The following AGRN variants were observed in gnomAD, a reference collection of about 807,000 sequenced individuals.
AGRN encodes the protein agrin proteoglycan.
In AGRN, 106 loss-of-function variants were observed where a neutral mutation model predicts 211.0. The ratio of observed to expected loss-of-function variants is 0.50; its 90% CI spans 0.43 to 0.59. The LOEUF (loss-of-function observed/expected upper bound fraction) is 0.59, where lower values mean the gene tolerates loss of function less well. Among genes scored for constraint, AGRN ranks in the 20% least tolerant of loss-of-function variants. The pLI is 0.00. For missense variants in AGRN, 3,040 were observed against 2,982.6 expected, an observed-to-expected ratio of 1.02 and a Z score of -0.45; for synonymous variants, 1,525 against 1,332.5, an observed-to-expected ratio of 1.14 and a Z score of -3.15.
In AGRN at chr1:1,046,003, A is replaced by C; in HGVS notation, c.2720A>C (p.Glu907Ala). 1 of 1,613,870 alleles carries C rather than the reference A, an allele frequency of 6.2e-7. No individual in the cohort carries two copies. ...GCGACCTGTGCGGAGATGCGCTGTG[A>C]GTTCGGTGCGCGGTGCGTGGAGGAG... ...APATCAEMRC[E>A]FGARCVEESG... Residue 907 changes from glutamate (E) to alanine (A), a missense_variant, in exon 16 of 36, where the codon GAG becomes GCG. By Grantham distance (107) the Glu-to-Ala change is moderately radical. Around this residue, in one of 3 missense-constraint regions of AGRN, gnomAD observed 1,498 missense variants for 1,457.8 expected, o/e 1.03. Coordinates refer to ENST00000379370, the MANE Select transcript of AGRN (RefSeq NM_198576.4).
chr1:1,046,869 C>G lies in AGRN; in HGVS notation c.3300C>G (p.Val1100=). ...GSSVATPGPP[V]ERASCYNSAL... The stretch of plus-strand genomic sequence containing the variant: ...GCGTGGCCACCCCTGGGCCACCTGT[C>G]GAGAGGGCTTCCTGCTACAACTCCG... The change falls in exon 19 of 36, where the codon GTC becomes GTG. Residue 1100 remains valine, a synonymous_variant. Transcript: ENST00000379370. The G allele has an allele frequency of 6.3e-7, 1 of 1,586,984 alleles. No homozygotes were observed. Among genetic ancestry groups the G allele is most frequent in the East Asian group, 2.3e-5 (1 of 43,956 alleles).
In AGRN at chr1:1,042,130, G is replaced by T; in HGVS notation, c.1352G>T (p.Arg451Leu). 6.3e-7 allele frequency: 1 copy of T among 1,599,978 alleles called. No individual in the cohort carries two copies. Among genetic ancestry groups the T allele is most frequent in the Non-Finnish European group, 8.5e-7 (1 of 1,177,920 alleles). Reference protein sequence around the residue: ...WRQQAECRQQRAIPSKHQGPC... With the variant: ...WRQQAECRQQLAIPSKHQGPC... ...CAGCAGGCTGAGTGCCGGCAGCAGC[G>T]TGCCATCCCCAGCAAGCACCAGGGC... The change falls in exon 7 of 36, where the codon CGT (arginine) becomes CTT (leucine). Residue 451 changes from arginine (R) to leucine (L), a missense_variant. Arg to Leu is a moderately radical substitution (Grantham distance 102). Transcript: ENST00000379370.
In AGRN at chr1:1,049,568, C is replaced by T. The variant is rs373657385; in HGVS notation, c.4517C>T (p.Ala1506Val). ...CCCGGTGTCCCTCCTGGTGGCAGGG[C>T]GCTGGAGCGGACCTTCGTGGGCGCC... Reference protein sequence around the residue: ...GGVPEDQAAVALERTFVGAGL... With the variant: ...GGVPEDQAAVVLERTFVGAGL... Residue 1506 changes from alanine to valine, a missense_variant and splice_region_variant, in exon 26 of 36, where the codon GCG (alanine) becomes GTG (valine). Around this residue, in one of 3 missense-constraint regions of AGRN, gnomAD observed 1,537 missense variants for 1,505.0 expected, o/e 1.02. Transcript: ENST00000379370. The T allele has an allele frequency of 4.7e-5, 75 of 1,589,712 alleles. No individual in the cohort carries two copies. The highest frequency in any genetic ancestry group is 4.2e-4 in the African/African-American group (31 of 74,564).
chr1:1,040,929 G>T, intron 4 of AGRN, 49 bp downstream of exon 4: 1 of 1,312,946 alleles, frequency 7.6e-7, no homozygotes, highest in Non-Finnish European at 9.7e-7. Flanking sequence ...CGGGGCCTAT[G>T]AGATGGAGCG....
chr1:1,043,326 T>G lies in AGRN; in HGVS notation c.1472T>G (p.Leu491Arg). 1 of 1,609,472 alleles carries G rather than the reference T, an allele frequency of 6.2e-7. No homozygotes were observed. ...VKNGQAACEC[L>R]QACSSLYDPV... ...AACGGGCAGGCAGCGTGTGAATGCCTGCAGGCGTGCTCGAGCCTCTACGAT... is the reference window on the plus strand; with the variant it reads ...AACGGGCAGGCAGCGTGTGAATGCCGGCAGGCGTGCTCGAGCCTCTACGAT... Residue 491 changes from leucine (L) to arginine (R), a missense_variant, in exon 8 of 36, where the codon CTG becomes CGG. Physicochemically the swap from Leu to Arg is moderately radical, Grantham distance 102. Coordinates refer to ENST00000379370, the MANE Select transcript of AGRN (RefSeq NM_198576.4).
intron 2 of AGRN, among the ~76,000 whole-genome samples, chr1:1,027,003 A>C (rs553657485): frequency 3.3e-5 from 5 of 152,214 alleles, no homozygotes; most frequent in Non-Finnish European, 7.4e-5. Context: ...AGCCTGCAGC[A>C]CTGAGGGAAG....
chr1:1,020,795 C>G (rs1414134266), intron 1 of AGRN, among the ~76,000 whole-genome samples: 1 of 148,272 alleles, frequency 6.7e-6, no homozygotes, highest in Non-Finnish European at 1.5e-5. Flanking sequence ...AAAAGGGGCG[C>G]ACAGCCTGAG....
intron 6 of AGRN, 104 bp downstream of exon 6, chr1:1,041,806 T>TC (rs1336723272): frequency 2.9e-6 from 1 of 341,292 alleles, no homozygotes; most frequent in Non-Finnish European, 3.9e-6. Context: ...GGTGGGCGGC[T>TC]CCCCCGGGGG....
At chr1:1,036,093 G>A (rs947976959) in intron 3 of AGRN, among the ~76,000 whole-genome samples, 5 of 152,154 alleles carry the variant, frequency 3.3e-5, no homozygotes, top group Non-Finnish European at 7.4e-5. Context: ...TCTCACTTGC[G>A]TTCAGTTGTG....
intron 2 of AGRN, chr1:1,035,013 C>T: frequency 1.7e-6 from 1 of 586,134 alleles, no homozygotes; most frequent in Middle Eastern, 4.6e-4. Context: ...GGGGTCCTGC[C>T]TGCACCCCTG....
chr1:1,044,233 C>T lies in AGRN; in HGVS notation c.2124C>T (p.Ser708=). 6.2e-7 allele frequency: 1 copy of T among 1,613,018 alleles called. No homozygotes were observed. The highest frequency in any genetic ancestry group is 8.5e-7 in the Non-Finnish European group (1 of 1,179,898). The change falls in exon 11 of 36, where the codon AGC becomes AGT. Residue 708 remains serine (S), a synonymous_variant. Transcript: ENST00000379370. The part of the protein sequence containing the change: ...SEDGPCVCDF[S]CQSVPGSPVC... The stretch of plus-strand genomic sequence containing the variant: ...ACGGGCCGTGTGTCTGTGACTTCAG[C>T]TGCCAGAGTGTCCCAGGCAGCCCGG...
At chr1:1,036,303 G>A (rs1261051888) in intron 3 of AGRN, among the ~76,000 whole-genome samples, 2 of 152,296 alleles carry the variant, frequency 1.3e-5, no homozygotes, top group South Asian at 2.1e-4. Flanking sequence ...GCCCTGTGAT[G>A]CCCGCCTGTG....
intron 21 of AGRN, 43 bp from the exon 22 acceptor site, chr1:1,047,733 G>A (rs1400967965): frequency 6.2e-7 from 1 of 1,612,286 alleles, no homozygotes; most frequent in East Asian, 2.2e-5. Flanking sequence ...ATGGGTGGGG[G>A]ATGCCTGGGG....
At position 1,046,610 on chromosome 1, in the gene AGRN, C is replaced by A. The variant is rs1385880233; in HGVS notation, c.3125C>A (p.Pro1042His). The change falls in exon 18 of 36, where the codon CCC (proline) becomes CAC (histidine). Residue 1042 changes from proline (P) to histidine (H), a missense_variant. By Grantham distance (77) the Pro-to-His change is moderately conservative. Coordinates refer to ENST00000379370, the MANE Select transcript of AGRN (RefSeq NM_198576.4). Reference sequence around the variant, plus strand: ...ACCGTGTGGCCCGTGCTGACGGTGCCCCCCACGGCACCCTCCCCTGCACCC... The same window carrying A: ...ACCGTGTGGCCCGTGCTGACGGTGCACCCCACGGCACCCTCCCCTGCACCC... ...RTTVWPVLTV[P>H]PTAPSPAPSL... is the part of the protein sequence containing the mutation. 6.2e-7 allele frequency: 1 copy of A among 1,604,174 alleles called. No homozygotes were observed.
chr1:1,051,582 C>G lies in AGRN; in HGVS notation c.5500C>G (p.Pro1834Ala). Residue 1834 changes from proline to alanine, a missense_variant, in exon 32 of 36, where the codon CCG becomes GCG. Transcript: ENST00000379370. ...HPCLNGASCV[P>A]REAAYVCLCP... ...CTGCCTCAATGGGGCCTCCTGCGTC[C>G]CGAGGGAGGCTGCCTATGTGTGCCT... is the stretch of plus-strand genomic sequence containing the variant. 2 of 1,600,386 alleles carry G rather than the reference C, an allele frequency of 1.2e-6. No homozygotes were observed. The highest frequency in any genetic ancestry group is 1.3e-5 in the African/African-American group (1 of 74,842).
intron 6 of AGRN, 101 bp from the exon 7 acceptor site, chr1:1,041,855 C>A (rs1472754759): frequency 6.5e-7 from 1 of 1,546,158 alleles, no homozygotes; most frequent in African/African-American, 1.4e-5. Flanking sequence ...TGGGCGGCTC[C>A]CCTCTGGGAG....
chr1:1,024,043 G>C (rs1410272714), intron 2 of AGRN, among the ~76,000 whole-genome samples: 2 of 152,176 alleles, frequency 1.3e-5, no homozygotes, highest in African/African-American at 4.8e-5. Context: ...GACTGTCATG[G>C]GAGGGGCCTT....
intron 3 of AGRN, 88 bp downstream of exon 3, chr1:1,035,412 G>A: frequency 1.3e-6 from 2 of 1,528,486 alleles, no homozygotes. Context: ...CCAGACGTGT[G>A]GAGTGTGTCT....
intron 1 of AGRN, among the ~76,000 whole-genome samples, chr1:1,021,881 C>T (rs1644414186): frequency 6.6e-6 from 1 of 152,220 alleles, no homozygotes; most frequent in African/African-American, 2.4e-5. Context: ...AAGGCAGGCA[C>T]CCCAAGCCAG....
Sources: gnomAD v4.1 joint callset for allele counts (sites outside exome capture counted in the v4.1 genomes callset) on GRCh38, gnomAD v4.1.1 for gene constraint, gnomAD v4.1.1 regional missense constraint, MANE v1.5 for transcripts, NCBI Gene and HGNC (gene_info 2026-07-23, HGNC 2026-07-21) for gene names.